The following PDE2A variants were observed in gnomAD, a reference collection of about 807,000 sequenced individuals.
PDE2A encodes the protein cGMP-dependent 3',5'-cyclic phosphodiesterase.
A neutral mutation model predicts 133.6 loss-of-function variants in PDE2A; 53 were observed. The observed-to-expected ratio is 0.40, with a 90% CI of 0.32 to 0.50. PDE2A has a LOEUF of 0.50. Ranked by LOEUF, PDE2A falls within the 20% of genes least tolerant of loss-of-function variation. PDE2A has a pLI of 0.73. For synonymous variants in PDE2A, 491 were observed against 490.2 expected (o/e 1.00, Z -0.02); for missense variants, 796 against 1,232.4 (o/e 0.65, Z 5.30).
intron 2 of PDE2A, among the ~76,000 whole-genome samples, chr11:72,635,594 G>A (rs1858640882): frequency 6.6e-6 from 1 of 152,206 alleles, no homozygotes; most frequent in African/African-American, 2.4e-5. Flanking sequence ...GTCCCAGTTA[G>A]AACCCCACAG....
At chr11:72,612,605 A>G (rs1436639488) in intron 2 of PDE2A, among the ~76,000 whole-genome samples, 1 of 151,398 alleles carries the variant, frequency 6.6e-6, no homozygotes. Context: ...CTATGGTTTA[A>G]TTCAATGAGG....
At chr11:72,649,693 A>G (rs1423080824) in intron 1 of PDE2A, among the ~76,000 whole-genome samples, 1 of 152,152 alleles carries the variant, frequency 6.6e-6, no homozygotes, top group Non-Finnish European at 1.5e-5. Context: ...CCCTGCTTGC[A>G]CACTCCCAGG....
chr11:72,581,295 T>C (rs1301357419), intron 23 of PDE2A, 62 bp downstream of exon 23: 3 of 1,454,502 alleles, frequency 2.1e-6, no homozygotes, highest in Non-Finnish European at 2.7e-6. Context: ...CAGGGGGTGC[T>C]TCCCTGTCCC....
rs111253499 is a variant in PDE2A at position 72,593,180 on chromosome 11, T to TACAC, written c.490-1828_490-1825dup. The stretch of plus-strand genomic sequence containing the variant: ...TACACTCAATCTCCCATGGAGGTGG[T>TACAC]ACACACACACACACACACACGGTGC... On this transcript the variant is annotated intron_variant, in intron 6 of 30. Coordinates refer to ENST00000334456, the MANE Select transcript of PDE2A (RefSeq NM_002599.5). 9.9e-3 allele frequency among the ~76,000 whole-genome samples: 1,466 copies of TACAC among 148,344 alleles called. 28 individuals carry two copies. The highest frequency in any genetic ancestry group is 0.029 in the African/African-American group (1,178 of 40,418).
At chr11:72,653,787 C>G (rs914153116) in intron 1 of PDE2A, among the ~76,000 whole-genome samples, 10 of 152,226 alleles carry the variant, frequency 6.6e-5, no homozygotes, top group Non-Finnish European at 1.5e-4. Context: ...ACCCCCCAGC[C>G]TCGCCTGTCC....
intron 2 of PDE2A, among the ~76,000 whole-genome samples, chr11:72,626,123 C>A (rs1233225289): frequency 6.6e-6 from 1 of 152,280 alleles, no homozygotes; most frequent in East Asian, 1.9e-4. Flanking sequence ...GCGAGCCTGG[C>A]GTGGTCTCAG....
At chr11:72,641,890 G>A (rs1002173938) in intron 2 of PDE2A, among the ~76,000 whole-genome samples, 3 of 152,202 alleles carry the variant, frequency 2.0e-5, no homozygotes, top group African/African-American at 7.2e-5. Context: ...CTCCAGGTGT[G>A]CCGGGAGCCC....
In PDE2A at chr11:72,577,474, C is replaced by T. The variant is rs764544251; in HGVS notation, c.2736G>A (p.Ser912=). Residue 912 remains serine, a synonymous_variant, in exon 31 of 31, where the codon TCG becomes TCA. Transcript: ENST00000334456. Reference sequence around the variant, plus strand: ...CGTACTCCTCATCCAGGAAGTCCAGCGAGTTGTTACTTGGGAGGCCGCGGA... The same window carrying T: ...CGTACTCCTCATCCAGGAAGTCCAGTGAGTTGTTACTTGGGAGGCCGCGGA... ...FTIRGLPSNN[S]LDFLDEEYEV... is the part of the protein sequence containing the mutation. 19 of 1,613,880 alleles carry T rather than the reference C, an allele frequency of 1.2e-5. No homozygotes were observed. The highest frequency in any genetic ancestry group is 4.0e-5 in the African/African-American group (3 of 74,920).
chr11:72,640,258 C>G (rs1858896466), intron 2 of PDE2A, among the ~76,000 whole-genome samples: 1 of 152,098 alleles, frequency 6.6e-6, no homozygotes, highest in Non-Finnish European at 1.5e-5. Flanking sequence ...GCCACCTAGA[C>G]ACAGAGACAC....
At chr11:72,673,722 G>T (rs867131913) in intron 1 of PDE2A, among the ~76,000 whole-genome samples, 2 of 133,996 alleles carry the variant, frequency 1.5e-5, no homozygotes, top group Non-Finnish European at 3.2e-5. Context: ...CACACACATA[G>T]CCTTGGTGGG....
rs541404992 is a variant in PDE2A, at chr11:72,589,880, C to T, written c.831+27G>A. ...CGAGTTCCTCGCCCAGCCCCGCCCC[C>T]GCTCTACAGTGGACCTGGGCCCTCA... On this transcript the variant is annotated intron_variant, in intron 10 of 30. Coordinates refer to ENST00000334456, the MANE Select transcript of PDE2A (RefSeq NM_002599.5). 320 of 1,610,114 alleles carry T rather than the reference C, an allele frequency of 2.0e-4. 7 individuals carry two copies. In the South Asian group the frequency reaches 3.3e-3, roughly 17 times the overall value.
At chr11:72,621,200 T>C (rs1857754632) in intron 2 of PDE2A, among the ~76,000 whole-genome samples, 1 of 152,178 alleles carries the variant, frequency 6.6e-6, no homozygotes, top group Non-Finnish European at 1.5e-5. Flanking sequence ...CCTGCTGAAG[T>C]GCCCACATCC....
intron 2 of PDE2A, among the ~76,000 whole-genome samples, chr11:72,639,779 G>T (rs1371467198): frequency 6.6e-6 from 1 of 152,172 alleles, no homozygotes; most frequent in Non-Finnish European, 1.5e-5. Flanking sequence ...AGGGCAAAGG[G>T]TAGGGGCAGC....
intron 1 of PDE2A, among the ~76,000 whole-genome samples, chr11:72,643,775 C>T (rs1263234197): frequency 1.3e-5 from 2 of 152,194 alleles, no homozygotes; most frequent in Non-Finnish European, 2.9e-5. Flanking sequence ...AGGCAGCTGG[C>T]ACATAGCCTT....
chr11:72,645,964 G>A (rs1413305340), intron 1 of PDE2A, among the ~76,000 whole-genome samples: 2 of 152,250 alleles, frequency 1.3e-5, no homozygotes, highest in African/African-American at 4.8e-5. Context: ...TCCAGTCTGT[G>A]CCTTAAATAC....
At chr11:72,641,261 G>A (rs765186124) in intron 2 of PDE2A, among the ~76,000 whole-genome samples, 11 of 152,164 alleles carry the variant, frequency 7.2e-5, no homozygotes, top group African/African-American at 1.7e-4. Flanking sequence ...CCTGGGCATC[G>A]CCTGAGGGCA....
rs988516758 is a variant in PDE2A at position 72,642,237 on chromosome 11, C to A, written c.144+17G>T. On this transcript the variant is annotated intron_variant, in intron 2 of 30. Coordinates refer to ENST00000334456, the MANE Select transcript of PDE2A (RefSeq NM_002599.5). The stretch of plus-strand genomic sequence containing the variant: ...GACACCCCGTTCTCCTGGTGCCCAG[C>A]GCGGGGGCCCCCCTACCTGCAGGCT... 7 of 1,492,386 alleles carry A rather than the reference C, an allele frequency of 4.7e-6. No individual in the cohort carries two copies. In the Admixed American group the frequency reaches 9.6e-5, roughly 20 times the overall value. 92.4% of individuals were successfully genotyped at this position (1,492,386 alleles called of 1,614,324 possible).
Position 72,590,615 on chromosome 11 carries a change from C to T in PDE2A, c.550-35G>A. ...GCCGAGCGGTTAGCGCGCCGCTCGC[C>T]CCAAGCTCGCTGCGCTTGCTGCAGC... On this transcript the variant is annotated intron_variant, in intron 7 of 30. Coordinates refer to ENST00000334456, the MANE Select transcript of PDE2A (RefSeq NM_002599.5). The surrounding 1 kb of genome is among the most constrained non-coding windows in gnomAD (Gnocchi z 4.8). 7 of 1,341,772 alleles carry T rather than the reference C, an allele frequency of 5.2e-6. No homozygotes were observed. The highest frequency in any genetic ancestry group is 6.7e-6 in the Non-Finnish European group (7 of 1,052,142). 83.1% of individuals were successfully genotyped at this position (1,341,772 alleles called of 1,614,324 possible). A position where few individuals can be genotyped will look rare whatever the true frequency, so the allele number is the denominator to read the frequency against.
At chr11:72,658,281 G>A in intron 1 of PDE2A, 1 of 373,786 alleles carries the variant, frequency 2.7e-6, no homozygotes, top group Non-Finnish European at 5.3e-6. Context: ...CCAGGTTATG[G>A]AGGAAACAAG....
Sources: gnomAD v4.1 joint callset for allele counts (sites outside exome capture counted in the v4.1 genomes callset) on GRCh38, gnomAD v4.1.1 for gene constraint, Gnocchi (gnomAD v3.1) non-coding constraint, MANE v1.5 for transcripts, NCBI Gene and HGNC (gene_info 2026-07-23, HGNC 2026-07-21) for gene names.